The following PPP2R5C variants were observed in gnomAD, a reference collection of about 807,000 sequenced individuals.
The protein encoded by PPP2R5C is protein phosphatase 2 regulatory subunit B'gamma.
Under a neutral mutation model 68.9 loss-of-function variants are expected in PPP2R5C, and 7 were observed. The observed-to-expected ratio is 0.10, with a 90% confidence interval of 0.06 to 0.19. The LOEUF (loss-of-function observed/expected upper bound fraction) is 0.19, where lower values mean the gene tolerates loss of function less well. PPP2R5C is among the 10% of genes least tolerant of loss of function. PPP2R5C has a pLI of 1.00. For synonymous variants in PPP2R5C, 210 were observed against 222.2 expected, an observed-to-expected ratio of 0.95 and a Z score of 0.49; for missense variants, 348 against 641.3, an observed-to-expected ratio of 0.54 and a Z score of 4.94.
chr14:101,763,417 C>T (rs2036665490), intron 2 of PPP2R5C, among the ~76,000 whole-genome samples: 1 of 150,116 alleles, frequency 6.7e-6, no homozygotes, highest in Non-Finnish European at 1.5e-5. Flanking sequence ...GAGTCTCACT[C>T]TGTCACCCAG....
intron 1 of PPP2R5C, among the ~76,000 whole-genome samples, chr14:101,827,459 C>G (rs2040466181): frequency 6.6e-6 from 1 of 152,150 alleles, no homozygotes; most frequent in Non-Finnish European, 1.5e-5. Context: ...ACTGTCTGCC[C>G]TCTGACCTCT....
intron 2 of PPP2R5C, among the ~76,000 whole-genome samples, chr14:101,785,117 A>C (rs965771654): frequency 3.9e-5 from 6 of 152,182 alleles, no homozygotes; most frequent in Non-Finnish European, 8.8e-5. Flanking sequence ...GCACACCAGG[A>C]GCCTAGGACA....
chr14:101,879,386 TG>T lies in PPP2R5C; in HGVS notation c.295-2773del, dbSNP rs1164032325. 6.5e-6 allele frequency: 1 copy of T among 152,806 alleles called. No homozygotes were observed. Among genetic ancestry groups the T allele is most frequent in the Non-Finnish European group, 1.5e-5 (1 of 68,554 alleles). 9.5% of individuals were successfully genotyped at this position (152,806 alleles called of 1,614,324 possible). A position where few individuals can be genotyped will look rare whatever the true frequency, so the allele number is the denominator to read the frequency against. ...TGGGTGAGCTGACCCCTCTCTCCCT[TG>T]GCAGCTTCCTGGGCGGCGTGGCCCT... On this transcript the variant is annotated intron_variant, in intron 2 of 13. Transcript: ENST00000334743. The surrounding 1 kb of genome is among the most constrained non-coding windows in gnomAD (Gnocchi z 4.2).
At chr14:101,810,592 T>C (rs1043261156) in intron 1 of PPP2R5C, among the ~76,000 whole-genome samples, 1 of 152,238 alleles carries the variant, frequency 6.6e-6, no homozygotes, top group African/African-American at 2.4e-5. Flanking sequence ...CTTTGAAATA[T>C]TGAAATCTAT....
At chr14:101,822,187 G>T (rs2040127412) in intron 1 of PPP2R5C, among the ~76,000 whole-genome samples, 1 of 150,132 alleles carries the variant, frequency 6.7e-6, no homozygotes, top group Non-Finnish European at 1.5e-5. Flanking sequence ...ACTAGTTACT[G>T]AGCTTCTTGA....
chr14:101,874,732 T>C (rs1458715432), intron 2 of PPP2R5C, among the ~76,000 whole-genome samples: 2 of 152,172 alleles, frequency 1.3e-5, no homozygotes, highest in African/African-American at 4.8e-5. Flanking sequence ...CAAAGGTTTG[T>C]AAGTTGTTTG....
intron 1 of PPP2R5C, among the ~76,000 whole-genome samples, chr14:101,812,833 T>G (rs969326472): frequency 9.2e-5 from 14 of 152,338 alleles, no homozygotes; most frequent in Admixed American, 5.2e-4. Context: ...AGTAAGTAAG[T>G]AAGGAAAATG....
Position 101,891,862 on chromosome 14 carries a change from ATAAAC to A in PPP2R5C, c.690-1135_690-1131del, listed in dbSNP as rs1271110014. On this transcript the variant is annotated intron_variant, in intron 6 of 13. Coordinates refer to ENST00000334743, the Ensembl canonical transcript of PPP2R5C. This position sits in a 1 kb window ranked among gnomAD's most constrained non-coding sequence, Gnocchi z 4.9. ...TTTGCCTAATTACAAAACCAAGACA[ATAAAC>A]TAGTTGTTTGAGACAAAAACTTTGC... 1.3e-5 allele frequency among the ~76,000 whole-genome samples: 2 copies of A among 152,224 alleles called. No individual in the cohort carries two copies. Among genetic ancestry groups the A allele is most frequent in the African/African-American group, 4.8e-5 (2 of 41,462 alleles).
At chr14:101,849,009 A>G (rs772989637) in intron 1 of PPP2R5C, among the ~76,000 whole-genome samples, 2 of 152,208 alleles carry the variant, frequency 1.3e-5, no homozygotes, top group Non-Finnish European at 2.9e-5. Context: ...TATAAATGAA[A>G]TTATACTGAA....
intron 3 of PPP2R5C, among the ~76,000 whole-genome samples, chr14:101,802,615 AATAG>A (rs1391616204): frequency 2.0e-5 from 3 of 152,280 alleles, no homozygotes; most frequent in African/African-American, 4.8e-5. Context: ...CAAAAATAAA[AATAG>A]ATAGATTGGA....
chr14:101,838,645 A>G (rs189578937), intron 1 of PPP2R5C, among the ~76,000 whole-genome samples: 32 of 152,362 alleles, frequency 2.1e-4, no homozygotes, highest in Admixed American at 5.9e-4. Context: ...TCCCAGGCAC[A>G]TGATCTTCTC....
At chr14:101,848,743 A>G (rs2041984101) in intron 1 of PPP2R5C, among the ~76,000 whole-genome samples, 1 of 152,148 alleles carries the variant, frequency 6.6e-6, no homozygotes, top group Admixed American at 6.5e-5. Context: ...GGGAGTTGGG[A>G]GAAGAGAGGG....
chr14:101,856,969 T>C, intron 2 of PPP2R5C, 84 bp downstream of exon 4: 1 of 1,292,866 alleles, frequency 7.7e-7, no homozygotes, highest in Non-Finnish European at 1.1e-6. Flanking sequence ...AACACAGTGC[T>C]ACCCAGGAGA....
rs931995979 is a variant in PPP2R5C, at chr14:101,906,561, T to A, written c.1151+32T>A. 6.3e-7 allele frequency: 1 copy of A among 1,576,302 alleles called. No individual in the cohort carries two copies. The highest frequency in any genetic ancestry group is 8.6e-7 in the Non-Finnish European group (1 of 1,164,182). On this transcript the variant is annotated intron_variant, in intron 10 of 13. Coordinates refer to ENST00000334743, the Ensembl canonical transcript of PPP2R5C. This position sits in a 1 kb window ranked among gnomAD's most constrained non-coding sequence, Gnocchi z 4.0. ...AAGAACTGGCTGCCATCTTTTTCAG[T>A]CATTTTAAAATATGGCACGTTTTAC... is the stretch of plus-strand genomic sequence containing the variant.
intron 13 of PPP2R5C, among the ~76,000 whole-genome samples, chr14:101,920,167 T>A (rs1047998909): frequency 3.9e-5 from 6 of 152,146 alleles, no homozygotes; most frequent in African/African-American, 1.2e-4. Flanking sequence ...GATCAAGAAC[T>A]TGATCAAGAA....
intron 1 of PPP2R5C, chr14:101,824,261 T>C (rs1353134145): frequency 9.2e-7 from 1 of 1,091,040 alleles, no homozygotes; most frequent in Non-Finnish European, 1.2e-6. Flanking sequence ...TTCGTAATGA[T>C]ATAGCATGAA....
At chr14:101,883,686 A>G in intron 5 of PPP2R5C, 124 bp downstream of exon 7, 3 of 1,299,898 alleles carry the variant, frequency 2.3e-6, no homozygotes, top group East Asian at 2.3e-5. Flanking sequence ...CTCAAAGCCT[A>G]TTTGTCATGT....
At chr14:101,803,023 C>T (rs1035951036) in intron 3 of PPP2R5C, among the ~76,000 whole-genome samples, 1 of 150,946 alleles carries the variant, frequency 6.6e-6, no homozygotes, top group Admixed American at 6.6e-5. Context: ...GAGACCAGCC[C>T]GGACAACGTG....
At position 101,783,376 on chromosome 14, in the gene PPP2R5C, C is replaced by T. The variant is rs142508609; in HGVS notation, c.94-2642C>T. 3.3e-3 allele frequency among the ~76,000 whole-genome samples: 493 copies of T among 150,472 alleles called. 2 individuals carry two copies. Among genetic ancestry groups the T allele is most frequent in the Middle Eastern group, 0.014 (4 of 294 alleles). On this transcript the variant is annotated intron_variant, in intron 2 of 14. Coordinates refer to the PPP2R5C transcript ENST00000328724. Reference sequence around the variant, plus strand: ...ACAGACAATGTCTCATGCGGAGAGGCCCTGCCCTCCTGAGCTGATGTCCCA... The same window carrying T: ...ACAGACAATGTCTCATGCGGAGAGGTCCTGCCCTCCTGAGCTGATGTCCCA...
Sources: allele counts gnomAD v4.1 joint callset (sites outside exome capture counted in the v4.1 genomes callset), GRCh38; gene constraint gnomAD v4.1.1; non-coding constraint Gnocchi (gnomAD v3.1); transcripts MANE v1.5; gene names NCBI Gene and HGNC (gene_info 2026-07-23, HGNC 2026-07-21).